PLPBP: variants seen among roughly 807,000 people sequenced by gnomAD.
PLPBP encodes pyridoxal phosphate binding protein.
In PLPBP, 21 loss-of-function variants were observed where a neutral mutation model predicts 31.2. The observed-to-expected ratio is 0.67, with a 90% CI of 0.48 to 0.97. PLPBP has a LOEUF of 0.97. Ranked by LOEUF, PLPBP falls within the 50% of genes least tolerant of loss-of-function variation. PLPBP has a pLI of 0.00. For missense variants in PLPBP, 308 were observed against 354.4 expected, an observed-to-expected ratio of 0.87 and a Z score of 1.05; for synonymous variants, 124 against 135.6, an observed-to-expected ratio of 0.91 and a Z score of 0.59.
At position 37,772,836 on chromosome 8, in the gene PLPBP, G is replaced by A. The variant is rs1037489458; in HGVS notation, c.401G>A (p.Gly134Asp). ...DKVNSSWQRK[G>D]SPERLKVMVQ... ...GTGAACAGTTCCTGGCAGAGAAAAG[G>A]TTCTCCTGAAAGGTTAAAGGTTATG... Residue 134 changes from glycine to aspartate, a missense_variant, in exon 5 of 8, where the codon GGT (glycine) becomes GAT (aspartate). Gly to Asp is a moderately conservative substitution (Grantham distance 94, BLOSUM62 -1). Coordinates refer to ENST00000328195, the MANE Select transcript of PLPBP (RefSeq NM_007198.4). 6.2e-7 allele frequency: 1 copy of A among 1,614,174 alleles called. No individual in the cohort carries two copies. Among genetic ancestry groups the A allele is most frequent in the Non-Finnish European group, 8.5e-7 (1 of 1,180,020 alleles).
At position 37,775,406 on chromosome 8, in the gene PLPBP, C is replaced by T. The variant is rs755457411; in HGVS notation, c.522C>T (p.Asn174=). Reference sequence around the variant, plus strand: ...AGCACATAAACGCCAAGTGTCCTAACCTGGAGTTTGTGGGGCTGATGACCA... The same window carrying T: ...AGCACATAAACGCCAAGTGTCCTAATCTGGAGTTTGTGGGGCTGATGACCA... ...IVEHINAKCP[N]LEFVGLMTIG... Residue 174 remains asparagine, a synonymous_variant, in exon 6 of 8, where the codon AAC becomes AAT. Transcript: ENST00000328195. 6.2e-7 allele frequency: 1 copy of T among 1,614,212 alleles called. No individual in the cohort carries two copies. Among genetic ancestry groups the T allele is most frequent in the South Asian group, 1.1e-5 (1 of 91,080 alleles).
intron 7 of PLPBP, among the ~76,000 whole-genome samples, chr8:37,777,634 C>T (rs998905126): frequency 1.2e-4 from 19 of 152,194 alleles, no homozygotes; most frequent in East Asian, 3.9e-4. Context: ...AGTGCAATGG[C>T]GCAACCTCTG....
intron 4 of PLPBP, among the ~76,000 whole-genome samples, chr8:37,767,313 T>A (rs1456707367): frequency 6.6e-6 from 1 of 152,188 alleles, no homozygotes; most frequent in Non-Finnish European, 1.5e-5. Context: ...CCTAAAAGTT[T>A]CCTCCTGTCC....
At chr8:37,766,515 T>C in intron 4 of PLPBP, 160 bp downstream of exon 4, 1 of 1,299,564 alleles carries the variant, frequency 7.7e-7, no homozygotes, top group Non-Finnish European at 9.8e-7. Context: ...AGAGAAAACA[T>C]CATGCCAAGA....
intron 1 of PLPBP, among the ~76,000 whole-genome samples, chr8:37,763,408 T>C (rs1317318628): frequency 6.6e-6 from 1 of 152,206 alleles, no homozygotes; most frequent in South Asian, 2.1e-4. Context: ...CTGAATGGTG[T>C]GGAATGAGAC....
intron 3 of PLPBP, 135 bp from the exon 4 acceptor site, chr8:37,766,145 G>A (rs1174103289): frequency 1.9e-5 from 13 of 692,384 alleles, no homozygotes; most frequent in South Asian, 1.2e-4. Flanking sequence ...AGGAGGCCGG[G>A]TGAAGATTGT....
chr8:37,767,046 CAAAAAA>C (rs377103424), intron 4 of PLPBP, among the ~76,000 whole-genome samples: 4 of 57,164 alleles, frequency 7.0e-5, no homozygotes, highest in Admixed American at 2.5e-4. Context: ...GACTTCATCC[CAAAAAA>C]AAAAAAAAAA....
rs367796688 is a variant in PLPBP, at chr8:37,765,523, C to T, written c.100-3C>T. The T allele has an allele frequency of 6.2e-7, 1 of 1,613,262 alleles. No individual in the cohort carries two copies. Among genetic ancestry groups the T allele is most frequent in the Non-Finnish European group, 8.5e-7 (1 of 1,179,684 alleles). On this transcript the variant is annotated splice_region_variant and splice_polypyrimidine_tract_variant and intron_variant, in intron 1 of 7. Transcript: ENST00000328195. ...ACTCATATGGCTCTTTCCCTCTTGG[C>T]AGGATCTCCCAGCCATCCAGCCCCG...
chr8:37,766,408 TACTACC>T, intron 4 of PLPBP, 53 bp downstream of exon 4: 1 of 1,522,340 alleles, frequency 6.6e-7, no homozygotes, highest in Non-Finnish European at 9.0e-7. Flanking sequence ...GTATTGCTTC[TACTACC>T]CTTTGTGGAA....
rs1381266888 is a variant in PLPBP at position 37,773,469 on chromosome 8, C to CTT, written c.454+597_454+598dup. Among the ~76,000 whole-genome samples, 500 of 119,932 alleles carry CTT rather than the reference C, an allele frequency of 4.2e-3. 8 individuals are homozygous for CTT. The highest frequency in any genetic ancestry group is 0.015 in the African/African-American group (464 of 31,110). 78.7% of individuals were successfully genotyped at this position (119,932 alleles called of 152,430 possible). A position where few individuals can be genotyped will look rare whatever the true frequency, so the allele number is the denominator to read the frequency against. ...ACAGGCGTGAGCCACCACACTCAGC[C>CTT]TTTTTTTTTTTTTTTTTTGAGACAG... On this transcript the variant is annotated intron_variant, in intron 5 of 7. Transcript: ENST00000328195.
At chr8:37,773,710 C>T (rs768339372) in intron 5 of PLPBP, among the ~76,000 whole-genome samples, 1 of 151,802 alleles carries the variant, frequency 6.6e-6, no homozygotes, top group Non-Finnish European at 1.5e-5. Flanking sequence ...CTCAGGTGAT[C>T]CACCCACCTC....
At chr8:37,776,939 G>A (rs551533778) in intron 7 of PLPBP, among the ~76,000 whole-genome samples, 4 of 152,240 alleles carry the variant, frequency 2.6e-5, no homozygotes, top group Admixed American at 6.5e-5. Flanking sequence ...GCTAATTTTT[G>A]AATTTTTAGT....
At position 37,779,344 on chromosome 8, in the gene PLPBP, AG is replaced by A. The variant is rs1429437516; in HGVS notation, c.*1241del. The stretch of plus-strand genomic sequence containing the variant: ...CTTTTCAGGCACATGGTTTCAACAA[AG>A]CCTGGCTTTGACATTCCTTGTCCTG... On this transcript the variant is annotated 3_prime_UTR_variant, in exon 8 of 8. Transcript: ENST00000328195. The A allele has an allele frequency of 1.3e-5, 2 of 152,212 alleles. No individual in the cohort carries two copies. Among genetic ancestry groups the A allele is most frequent in the Admixed American group, 1.3e-4 (2 of 15,272 alleles). 9.4% of individuals were successfully genotyped at this position (152,212 alleles called of 1,614,324 possible).
rs1803892650 is a variant in PLPBP, at chr8:37,775,946, G to A, written c.626G>A (p.Cys209Tyr). 1.9e-6 allele frequency: 3 copies of A among 1,613,940 alleles called. No homozygotes were observed. Among genetic ancestry groups the A allele is most frequent in the East Asian group, 2.2e-5 (1 of 44,858 alleles). Residue 209 changes from cysteine (C) to tyrosine (Y), a missense_variant, in exon 7 of 8, where the codon TGT (cysteine) becomes TAT (tyrosine). Physicochemically the swap from Cys to Tyr is radical, Grantham distance 194. Coordinates refer to ENST00000328195, the MANE Select transcript of PLPBP (RefSeq NM_007198.4). The stretch of plus-strand genomic sequence containing the variant: ...TTATTGTCCCTCCGGGAGGAGCTGT[G>A]TAAAAAGCTGAACATCCCTGCTGAC... ...QLLLSLREEL[C>Y]KKLNIPADQV...
intron 4 of PLPBP, 176 bp downstream of exon 4, chr8:37,766,531 A>G: frequency 8.0e-7 from 1 of 1,248,530 alleles, no homozygotes; most frequent in Non-Finnish European, 1.0e-6. Context: ...CAAGAACAGA[A>G]TGAATTCACC....
At chr8:37,773,249 C>T (rs1291430034) in intron 5 of PLPBP, among the ~76,000 whole-genome samples, 1 of 151,830 alleles carries the variant, frequency 6.6e-6, no homozygotes, top group Non-Finnish European at 1.5e-5. Flanking sequence ...CTCACTGCAA[C>T]CTCCGCCTCC....
Position 37,777,837 on chromosome 8 carries a change from C to G in PLPBP, c.697-136C>G. 1.2e-5 allele frequency: 12 copies of G among 987,774 alleles called. 1 individual carries two copies. The highest frequency in any genetic ancestry group is 1.6e-5 in the Non-Finnish European group (11 of 698,396). The allele number at this position is 987,774 out of a possible 1,614,324, so 61.2% of individuals were successfully genotyped here. A position where few individuals can be genotyped will look rare whatever the true frequency, so the allele number is the denominator to read the frequency against. ...CTGCCCACCTCGGCCTCCCAAAATG[C>G]TGGGATTACAGGCGTGAGCCACCAC... On this transcript the variant is annotated intron_variant, in intron 7 of 7. Transcript: ENST00000328195.
At chr8:37,772,682 C>CA in intron 4 of PLPBP, 73 bp from the exon 5 acceptor site, 1 of 1,554,334 alleles carries the variant, frequency 6.4e-7, no homozygotes, top group Admixed American at 1.8e-5. Context: ...TCTAACAAGT[C>CA]AGAGATTTGT....
At chr8:37,771,697 C>T (rs533487206) in intron 4 of PLPBP, among the ~76,000 whole-genome samples, 3 of 152,214 alleles carry the variant, frequency 2.0e-5, no homozygotes, top group South Asian at 2.1e-4. Flanking sequence ...CACAGTGGCT[C>T]ACGCCTGTAA....
Sources: gnomAD v4.1 joint callset for allele counts (sites outside exome capture counted in the v4.1 genomes callset) on GRCh38, gnomAD v4.1.1 for gene constraint, MANE v1.5 for transcripts, NCBI Gene and HGNC (gene_info 2026-07-23, HGNC 2026-07-21) for gene names.